Variants in KDM4C observed in about 807,000 individuals in gnomAD.
KDM4C encodes lysine demethylase 4C.
KDM4C carries 81 observed loss-of-function variants against 129.3 expected under a neutral mutation model. The ratio of observed to expected loss-of-function variants is 0.63; its 90% confidence interval spans 0.52 to 0.75. The LOEUF is 0.75. Ranked by LOEUF, KDM4C falls within the 30% of genes least tolerant of loss-of-function variation. The pLI, the probability that KDM4C is intolerant of heterozygous loss-of-function variation, is 0.00. For missense variants in KDM4C, 1,457 were observed against 1,304.0 expected, an observed-to-expected ratio of 1.12 and a Z score of -1.81; for synonymous variants, 573 against 456.1, an observed-to-expected ratio of 1.26 and a Z score of -3.26.
intron 17 of KDM4C, among the ~76,000 whole-genome samples, chr9:7,074,576 A>ATT (rs1833657898): frequency 1.3e-5 from 2 of 152,192 alleles, no homozygotes; most frequent in African/African-American, 4.8e-5. Context: ...TTCAGCTTAT[A>ATT]AGTAAGTTTT....
chr9:6,845,315 A>G (rs2129979201), intron 4 of KDM4C, among the ~76,000 whole-genome samples: 1 of 152,256 alleles, frequency 6.6e-6, no homozygotes, highest in Non-Finnish European at 1.5e-5. Context: ...TCTGGGCTCA[A>G]TTGATCCTCC....
chr9:7,067,564 A>T (rs996910017), intron 17 of KDM4C, among the ~76,000 whole-genome samples: 11 of 152,226 alleles, frequency 7.2e-5, no homozygotes, highest in African/African-American at 2.7e-4. Flanking sequence ...TTGCACTGTT[A>T]ACTGTGACTT....
At chr9:7,121,816 A>T (rs1839519774) in intron 18 of KDM4C, among the ~76,000 whole-genome samples, 1 of 152,100 alleles carries the variant, frequency 6.6e-6, no homozygotes, top group African/African-American at 2.4e-5. Context: ...CTTAAAAAAA[A>T]AAAAGGAAAT....
intron 6 of KDM4C, among the ~76,000 whole-genome samples, chr9:6,882,418 T>C (rs929436851): frequency 6.6e-6 from 1 of 152,194 alleles, no homozygotes; most frequent in Non-Finnish European, 1.5e-5. Context: ...TTAGGTAAAT[T>C]GAGAAAGTGT....
At chr9:6,964,018 T>C (rs577697896) in intron 8 of KDM4C, among the ~76,000 whole-genome samples, 201 of 150,942 alleles carry the variant, frequency 1.3e-3, no homozygotes, top group African/African-American at 4.5e-3. Context: ...GCTAAGAACA[T>C]AACTCTGATG....
intron 21 of KDM4C, among the ~76,000 whole-genome samples, chr9:7,171,493 C>T (rs942960231): frequency 6.6e-6 from 1 of 152,124 alleles, no homozygotes; most frequent in Non-Finnish European, 1.5e-5. Context: ...TCCTCCCGCT[C>T]CTTTCTTTTC....
At chr9:7,046,798 A>G in intron 15 of KDM4C, 64 bp from the exon 16 acceptor site, 2 of 1,044,638 alleles carry the variant, frequency 1.9e-6, no homozygotes, top group Non-Finnish European at 3.0e-6. Flanking sequence ...GAATATTTAG[A>G]TGAATGGTAA....
At chr9:6,992,118 T>A (rs1111825) in intron 12 of KDM4C, among the ~76,000 whole-genome samples, 27 of 152,266 alleles carry the variant, frequency 1.8e-4, no homozygotes, top group African/African-American at 5.8e-4. Context: ...ACTTAATGTA[T>A]AATGCTCATG....
chr9:7,008,086 T>C (rs1795799485), intron 12 of KDM4C, among the ~76,000 whole-genome samples: 1 of 151,934 alleles, frequency 6.6e-6, no homozygotes, highest in African/African-American at 2.4e-5. Context: ...GGAAGGACAG[T>C]TTTGCATTAC....
intron 8 of KDM4C, chr9:6,948,079 C>T (rs975022770): frequency 2.8e-4 from 43 of 152,042 alleles, no homozygotes; most frequent in African/African-American, 9.9e-4. Flanking sequence ...AATCAGAATT[C>T]AGCTTTGTAT....
rs1418488233 is a variant in KDM4C, at chr9:6,888,047, G to C, written c.767G>C (p.Gly256Ala). ...LISPSVLKKY[G>A]IPFDKITQEA... ...TCTCCATCAGTATTGAAGAAATATG[G>C]TATTCCCTTTGACAAGGTATGTTAG... The change falls in exon 7 of 22, where the codon GGT (glycine) becomes GCT (alanine). Residue 256 changes from glycine (G) to alanine (A), a missense_variant. By Grantham distance (60) the Gly-to-Ala change is moderately conservative. Transcript: ENST00000381309. 1 of 1,571,016 alleles carries C rather than the reference G, an allele frequency of 6.4e-7. No individual in the cohort carries two copies. Among genetic ancestry groups the C allele is most frequent in the Non-Finnish European group, 8.7e-7 (1 of 1,144,444 alleles).
intron 6 of KDM4C, among the ~76,000 whole-genome samples, chr9:6,885,167 C>G (rs1845066684): frequency 6.6e-6 from 1 of 152,168 alleles, no homozygotes. Flanking sequence ...TCCCTCACAC[C>G]TCTTTGTACT....
intron 8 of KDM4C, among the ~76,000 whole-genome samples, chr9:6,914,552 G>A (rs747021135): frequency 7.9e-5 from 12 of 152,152 alleles, no homozygotes; most frequent in South Asian, 4.1e-4. Flanking sequence ...AAAAACATTA[G>A]CATTGTTTGT....
intron 8 of KDM4C, among the ~76,000 whole-genome samples, chr9:6,978,313 A>G (rs371000441): frequency 6.6e-5 from 10 of 150,768 alleles, no homozygotes; most frequent in African/African-American, 1.9e-4. Flanking sequence ...CACATCTTCC[A>G]TTGCATAATA....
chr9:7,116,486 A>G (rs1362996187), intron 18 of KDM4C, among the ~76,000 whole-genome samples: 1 of 152,048 alleles, frequency 6.6e-6, no homozygotes, highest in Non-Finnish European at 1.5e-5. Flanking sequence ...TGCAGTTACC[A>G]TTAGAGCACC....
At chr9:6,733,656 C>T (rs185075886) in intron 1 of KDM4C, among the ~76,000 whole-genome samples, 11 of 152,154 alleles carry the variant, frequency 7.2e-5, no homozygotes, top group South Asian at 6.2e-4. Flanking sequence ...TTGGATCTCG[C>T]GCAAGAAAGA....
chr9:7,135,140 C>T (rs986830738), intron 19 of KDM4C, among the ~76,000 whole-genome samples: 5 of 152,124 alleles, frequency 3.3e-5, no homozygotes, highest in Admixed American at 6.5e-5. Flanking sequence ...GGCATCATAG[C>T]GACAGTTTCC....
At chr9:6,954,005 C>G (rs770424859) in intron 8 of KDM4C, among the ~76,000 whole-genome samples, 1 of 152,152 alleles carries the variant, frequency 6.6e-6, no homozygotes, top group African/African-American at 2.4e-5. Context: ...AAGTAGCTGT[C>G]GGGGGTCAGC....
chr9:6,901,497 T>G (rs183273041), intron 8 of KDM4C, among the ~76,000 whole-genome samples: 4 of 152,330 alleles, frequency 2.6e-5, no homozygotes, highest in Admixed American at 2.6e-4. Context: ...TTGATAGCTG[T>G]GCTTACTTCA....
Sources: allele counts gnomAD v4.1 joint callset (sites outside exome capture counted in the v4.1 genomes callset), GRCh38; gene constraint gnomAD v4.1.1; transcripts MANE v1.5; gene names NCBI Gene and HGNC (gene_info 2026-07-23, HGNC 2026-07-21).